Variants in SHOC2 observed in about 807,000 individuals in gnomAD.
The protein encoded by SHOC2 is leucine-rich repeat protein SHOC-2.
Under a neutral mutation model 50.2 loss-of-function variants are expected in SHOC2, and 4 were observed. That is an observed-to-expected ratio of 0.08 (90% confidence interval 0.04 to 0.18). The LOEUF is 0.18. SHOC2 is among the 10% of genes least tolerant of loss of function. The pLI, the probability that SHOC2 is intolerant of heterozygous loss-of-function variation, is 1.00. For synonymous variants in SHOC2, 218 were observed against 244.5 expected (o/e 0.89, Z 1.01); for missense variants, 388 against 669.6 (o/e 0.58, Z 4.64).
chr10:110,964,669 G>A lies in SHOC2; in HGVS notation c.311G>A (p.Arg104His). The A allele has an allele frequency of 1.2e-6, 2 of 1,614,002 alleles. No homozygotes were observed. The highest frequency in any genetic ancestry group is 2.2e-5 in the East Asian group (1 of 44,878). ...LNKCREENSMRLDLSKRSIHI... is the reference protein window; with the variant it reads ...LNKCREENSMHLDLSKRSIHI... ...AAATGCCGGGAAGAGAATTCAATGC[G>A]TTTGGACTTATCCAAGAGATCTATA... Residue 104 changes from arginine (R) to histidine (H), a missense_variant, in exon 2 of 9, where the codon CGT (arginine) becomes CAT (histidine). Around this residue, in one of 5 missense-constraint regions of SHOC2, gnomAD observed 121 missense variants for 145.5 expected, o/e 0.83. Coordinates refer to ENST00000369452, the MANE Select transcript of SHOC2 (RefSeq NM_007373.4). This position sits in a 1 kb window ranked among gnomAD's most constrained non-coding sequence, Gnocchi z 4.9.
intron 3 of SHOC2, among the ~76,000 whole-genome samples, chr10:110,987,418 G>A (rs548729567): frequency 2.6e-5 from 4 of 152,210 alleles, no homozygotes; most frequent in South Asian, 2.1e-4. Flanking sequence ...ATAAATAGCC[G>A]TTAGAATCTA....
At chr10:111,008,548 A>G (rs1288208232) in intron 6 of SHOC2, among the ~76,000 whole-genome samples, 1 of 152,096 alleles carries the variant, frequency 6.6e-6, no homozygotes, top group Non-Finnish European at 1.5e-5. Context: ...GATTAAATGC[A>G]ATAATGCACA....
At chr10:110,985,152 T>G (rs1312773933) in intron 2 of SHOC2, among the ~76,000 whole-genome samples, 9 of 152,220 alleles carry the variant, frequency 5.9e-5, no homozygotes, top group Non-Finnish European at 1.3e-4. Flanking sequence ...AAATCACTTT[T>G]CCATTTCCAT....
chr10:111,007,478 T>C (rs1259703921), intron 5 of SHOC2, 53 bp from the exon 6 acceptor site: 17 of 1,601,514 alleles, frequency 1.1e-5, no homozygotes, highest in Non-Finnish European at 1.5e-5. Flanking sequence ...CAGGTATATA[T>C]AGAACTTTGT....
intron 1 of SHOC2, among the ~76,000 whole-genome samples, chr10:110,929,827 A>C (rs1237051329): frequency 6.6e-6 from 1 of 152,242 alleles, no homozygotes; most frequent in Admixed American, 6.5e-5. Context: ...GGAAGGACAC[A>C]GTTCAGGACA....
At chr10:110,960,715 G>T (rs1014010958) in intron 1 of SHOC2, among the ~76,000 whole-genome samples, 1 of 152,092 alleles carries the variant, frequency 6.6e-6, no homozygotes, top group Non-Finnish European at 1.5e-5. Context: ...TCTCTCTGTC[G>T]CCCAGGCTAG....
chr10:110,959,359 AAC>A (rs2134114915), intron 1 of SHOC2, among the ~76,000 whole-genome samples: 1 of 152,334 alleles, frequency 6.6e-6, no homozygotes, highest in South Asian at 2.1e-4. Context: ...CAAAATTATA[AAC>A]AGGTATTTCA....
chr10:110,964,949 T>C lies in SHOC2; in HGVS notation c.591T>C (p.Leu197=). The change falls in exon 2 of 9, where the codon CTT becomes CTC. Residue 197 remains leucine, a synonymous_variant. Coordinates refer to ENST00000369452, the MANE Select transcript of SHOC2 (RefSeq NM_007373.4). The surrounding 1 kb of genome is among the most constrained non-coding windows in gnomAD (Gnocchi z 4.9). ...ATAGGCTGGATTCTCTCACCACTCT[T>C]TACCTTCGCTTTAATCGTATAACTA... ...VVYRLDSLTT[L]YLRFNRITTV... 1.2e-6 allele frequency: 2 copies of C among 1,613,692 alleles called. No individual in the cohort carries two copies. The highest frequency in any genetic ancestry group is 2.2e-5 in the South Asian group (2 of 91,078).
At chr10:110,926,187 G>T (rs1462686295) in intron 1 of SHOC2, among the ~76,000 whole-genome samples, 1 of 152,048 alleles carries the variant, frequency 6.6e-6, no homozygotes, top group Non-Finnish European at 1.5e-5. Context: ...CACTATTTTT[G>T]TAATGATATA....
intron 3 of SHOC2, among the ~76,000 whole-genome samples, chr10:110,989,628 T>A (rs2134154769): frequency 6.6e-6 from 1 of 152,312 alleles, no homozygotes; most frequent in Non-Finnish European, 1.5e-5. Context: ...TCCATTTTCT[T>A]TTTTCCCCAT....
chr10:110,954,194 C>T (rs147185028), intron 1 of SHOC2, among the ~76,000 whole-genome samples: 31 of 151,646 alleles, frequency 2.0e-4, no homozygotes, highest in African/African-American at 7.5e-4. Context: ...TTAAATATTA[C>T]AAATTTAATT....
chr10:110,930,416 G>T (rs1457245208), intron 1 of SHOC2, among the ~76,000 whole-genome samples: 1 of 152,070 alleles, frequency 6.6e-6, no homozygotes, highest in Non-Finnish European at 1.5e-5. Flanking sequence ...TAATGAGATA[G>T]ACTTAGTGAA....
chr10:110,930,848 A>C, intron 1 of SHOC2, among the ~76,000 whole-genome samples: 1 of 149,518 alleles, frequency 6.7e-6, no homozygotes, highest in East Asian at 2.0e-4. Context: ...AGACTTTTAA[A>C]TCCCCTCTTC....
chr10:110,980,135 G>T (rs563555750), intron 2 of SHOC2, among the ~76,000 whole-genome samples: 1 of 150,448 alleles, frequency 6.6e-6, no homozygotes, highest in South Asian at 2.1e-4. Context: ...TCTGAAAAGC[G>T]TTGTTCTACC....
At chr10:110,997,705 T>C (rs1450525868) in intron 3 of SHOC2, among the ~76,000 whole-genome samples, 2 of 152,156 alleles carry the variant, frequency 1.3e-5, no homozygotes, top group Non-Finnish European at 1.5e-5. Flanking sequence ...CTTACGCACG[T>C]TATATCTAAC....
intron 3 of SHOC2, among the ~76,000 whole-genome samples, chr10:110,998,504 G>A (rs574537576): frequency 6.6e-6 from 1 of 152,018 alleles, no homozygotes; most frequent in Middle Eastern, 3.2e-3. Flanking sequence ...AAATTAACTT[G>A]TCTTTGCTAA....
chr10:110,950,649 T>C (rs1293278884), intron 1 of SHOC2, among the ~76,000 whole-genome samples: 1 of 152,022 alleles, frequency 6.6e-6, no homozygotes, highest in East Asian at 1.9e-4. Flanking sequence ...ATCCAAACAG[T>C]GTGGTACTGG....
chr10:110,925,687 G>A (rs1361708763), intron 1 of SHOC2, among the ~76,000 whole-genome samples: 1 of 152,110 alleles, frequency 6.6e-6, no homozygotes, highest in Non-Finnish European at 1.5e-5. Context: ...AAACTCCTGA[G>A]CTCAAACAAT....
At chr10:110,975,697 A>T (rs546905618) in intron 2 of SHOC2, among the ~76,000 whole-genome samples, 1 of 152,220 alleles carries the variant, frequency 6.6e-6, no homozygotes, top group East Asian at 1.9e-4. Flanking sequence ...ATCAATTCAT[A>T]TTGATAAGTC....
Sources: gnomAD v4.1 joint callset for allele counts (sites outside exome capture counted in the v4.1 genomes callset) on GRCh38, gnomAD v4.1.1 for gene constraint, gnomAD v4.1.1 regional missense constraint, Gnocchi (gnomAD v3.1) non-coding constraint, MANE v1.5 for transcripts, NCBI Gene and HGNC (gene_info 2026-07-23, HGNC 2026-07-21) for gene names.